SASH1: variants seen among roughly 807,000 people sequenced by gnomAD.
SASH1 encodes the protein SAM and SH3 domain-containing protein 1.
In SASH1, 44 loss-of-function variants were observed where a neutral mutation model predicts 125.2. The observed-to-expected ratio is 0.35, with a 90% CI of 0.28 to 0.45. SASH1 has a LOEUF of 0.45. SASH1 is among the 20% of genes least tolerant of loss of function. The pLI, the probability that SASH1 is intolerant of heterozygous loss-of-function variation, is 1.00. For synonymous variants in SASH1, 639 were observed against 649.1 expected, an observed-to-expected ratio of 0.98 and a Z score of 0.24; for missense variants, 1,426 against 1,614.5, an observed-to-expected ratio of 0.88 and a Z score of 2.00.
At chr6:148,458,679 T>C (rs760391045) in intron 4 of SASH1, among the ~76,000 whole-genome samples, 1 of 152,196 alleles carries the variant, frequency 6.6e-6, no homozygotes, top group East Asian at 1.9e-4. Context: ...AAAAATACTA[T>C]GTGGGCTGAG....
the SASH1 span, among the ~76,000 whole-genome samples, chr6:148,244,930 GTA>G: frequency 5.2e-3 from 541 of 104,910 alleles, 1 homozygote; most frequent in African/African-American, 0.012. Context: ...GTGTGTGTGT[GTA>G]TGTGTGTGTG....
chr6:148,326,473 C>T (rs746769869), intron 1 of SASH1, among the ~76,000 whole-genome samples: 31 of 145,172 alleles, frequency 2.1e-4, no homozygotes, highest in Non-Finnish European at 4.0e-4. Context: ...GGCGTGATCT[C>T]GGCTCACTGC....
rs199653918 is a variant in SASH1 at position 148,519,784 on chromosome 6, A to G, written c.1100A>G (p.Lys367Arg). 1.7e-5 allele frequency: 28 copies of G among 1,614,052 alleles called. No individual in the cohort carries two copies. In the East Asian group the frequency reaches 6.0e-4, roughly 35 times the overall value. ...GESRGLIKPPKKMGTFFSYPE... is the reference protein window; with the variant it reads ...GESRGLIKPPRKMGTFFSYPE... ...AGCCGGGGCCTGATTAAGCCCCCCAAGAAGATGGGGACATTCTTCTCCTAC... is the reference window on the plus strand; with the variant it reads ...AGCCGGGGCCTGATTAAGCCCCCCAGGAAGATGGGGACATTCTTCTCCTAC... The change falls in exon 10 of 20, where the codon AAG becomes AGG. Residue 367 changes from lysine to arginine, a missense_variant. By Grantham distance (26) the Lys-to-Arg change is conservative. Around this residue, in one of 3 missense-constraint regions of SASH1, gnomAD observed 567 missense variants for 575.6 expected, o/e 0.99. Transcript: ENST00000367467. This position sits in a 1 kb window ranked among gnomAD's most constrained non-coding sequence, Gnocchi z 4.8.
chr6:148,423,939 T>C (rs1282513973), intron 2 of SASH1, among the ~76,000 whole-genome samples: 1 of 152,096 alleles, frequency 6.6e-6, no homozygotes, highest in Non-Finnish European at 1.5e-5. Context: ...CTTAATTTCA[T>C]TTCCAATGAT....
intron 1 of SASH1, among the ~76,000 whole-genome samples, chr6:148,362,168 C>T (rs1782254403): frequency 6.6e-6 from 1 of 151,366 alleles, no homozygotes; most frequent in Non-Finnish European, 1.5e-5. Context: ...ACCTTGTGAT[C>T]CGCCCACCTT....
chr6:148,470,841 G>A (rs535510315), intron 5 of SASH1, among the ~76,000 whole-genome samples: 8 of 152,168 alleles, frequency 5.3e-5, no homozygotes, highest in South Asian at 4.2e-4. Flanking sequence ...AGCAAGACCC[G>A]TGCAGACCAC....
rs1406486411 is a variant in SASH1 at position 148,533,862 on chromosome 6, A to G, written c.1826A>G (p.Tyr609Cys). The G allele has an allele frequency of 6.2e-7, 1 of 1,614,122 alleles. No individual in the cohort carries two copies. Among genetic ancestry groups the G allele is most frequent in the South Asian group, 1.1e-5 (1 of 91,066 alleles). The stretch of plus-strand genomic sequence containing the variant: ...AAAGTCGGCACGTTCAAGTTCATCT[A>G]CGTGGACGTGCTCAGTGAAGACGAG... ...NNKVGTFKFI[Y>C]VDVLSEDEEK... Residue 609 changes from tyrosine to cysteine, a missense_variant, in exon 15 of 20, where the codon TAC becomes TGC. Coordinates refer to ENST00000367467, the MANE Select transcript of SASH1 (RefSeq NM_015278.5). The surrounding 1 kb of genome is among the most constrained non-coding windows in gnomAD (Gnocchi z 6.2).
At chr6:148,312,647 C>T (rs542527745) in intron 1 of SASH1, among the ~76,000 whole-genome samples, 56 of 152,302 alleles carry the variant, frequency 3.7e-4, no homozygotes, top group African/African-American at 1.3e-3. Context: ...AAAGTGAAAA[C>T]AGAATTAGTA....
intron 2 of SASH1, among the ~76,000 whole-genome samples, chr6:148,414,662 TTTTTTTA>T (rs1283082289): frequency 2.0e-5 from 3 of 152,034 alleles, no homozygotes; most frequent in African/African-American, 4.8e-5. Flanking sequence ...TTACATTCTT[TTTTTTTA>T]TTTTTTATTT....
chr6:148,524,114 TATA>T (rs1173252083), intron 10 of SASH1, among the ~76,000 whole-genome samples: 2,618 of 85,610 alleles, frequency 0.031, 37 homozygotes, highest in African/African-American at 0.046. Context: ...TATATATATA[TATA>T]TATATTTTTT....
chr6:148,440,996 A>G (rs1344140930), intron 4 of SASH1, among the ~76,000 whole-genome samples: 1 of 152,154 alleles, frequency 6.6e-6, no homozygotes, highest in African/African-American at 2.4e-5. Flanking sequence ...TATTTTCAGT[A>G]TTTCTTTTAG....
chr6:148,328,247 T>C (rs980207433), intron 1 of SASH1, among the ~76,000 whole-genome samples: 5 of 152,312 alleles, frequency 3.3e-5, no homozygotes, highest in Middle Eastern at 6.8e-3. Context: ...CTTTCTTATG[T>C]AGGTTAAAGA....
At position 148,421,149 on chromosome 6, in the gene SASH1, G is replaced by GGAAGGAAGAAAGAAAGA. The variant is rs1562396374; in HGVS notation, c.286-19035_286-19034insGAAGGAAGAAAGAAAGA. ...AGAAAGGAAGGAAGGAAGGAAGGAA[G>GGAAGGAAGAAAGAAAGA]AAAGAAAGAAAGAAAGAAAGAAAGA... On this transcript the variant is annotated intron_variant, in intron 2 of 19. Coordinates refer to ENST00000367467, the MANE Select transcript of SASH1 (RefSeq NM_015278.5). 1.3e-4 allele frequency among the ~76,000 whole-genome samples: 9 copies of GGAAGGAAGAAAGAAAGA among 67,378 alleles called. 1 individual carries two copies. The highest frequency in any genetic ancestry group is 3.1e-4 in the Non-Finnish European group (9 of 29,186). 44.2% of individuals were successfully genotyped at this position (67,378 alleles called of 152,430 possible). A position where few individuals can be genotyped will look rare whatever the true frequency, so the allele number is the denominator to read the frequency against.
At chr6:148,482,706 T>TTTTTTTTTTTA (rs1778681819) in intron 7 of SASH1, among the ~76,000 whole-genome samples, 1 of 144,314 alleles carries the variant, frequency 6.9e-6, no homozygotes, top group African/African-American at 2.6e-5. Flanking sequence ...TTTTTTTTTT[T>TTTTTTTTTTTA]GAGAGAGAGT....
chr6:148,477,955 C>T (rs1778442745), intron 7 of SASH1, among the ~76,000 whole-genome samples: 1 of 152,106 alleles, frequency 6.6e-6, no homozygotes, highest in African/African-American at 2.4e-5. Context: ...CCTCGGCCTC[C>T]CAAAGTGTTG....
intron 1 of SASH1, among the ~76,000 whole-genome samples, chr6:148,386,759 T>C (rs1783385379): frequency 6.6e-6 from 1 of 152,172 alleles, no homozygotes; most frequent in South Asian, 2.1e-4. Flanking sequence ...CTGTAACTCA[T>C]AAAAATGGGC....
At chr6:148,397,569 CCACGT>C in intron 2 of SASH1, among the ~76,000 whole-genome samples, 1 of 152,078 alleles carries the variant, frequency 6.6e-6, no homozygotes, top group Non-Finnish European at 1.5e-5. Context: ...ATAAATATAC[CCACGT>C]CACCCGCAGC....
At chr6:148,195,735 T>C in the SASH1 span, among the ~76,000 whole-genome samples, 88,092 of 152,006 alleles carry the variant, frequency 0.58, 26,599 homozygotes, top group African/African-American at 0.75. Context: ...TACGCGCCTT[T>C]TAGTCTGTGT....
the SASH1 span, among the ~76,000 whole-genome samples, chr6:148,261,100 C>A: frequency 1.3e-5 from 2 of 152,066 alleles, no homozygotes; most frequent in South Asian, 2.1e-4. Context: ...CCACTGCGCC[C>A]GGCATAAGGG....
Sources: allele counts gnomAD v4.1 joint callset (sites outside exome capture counted in the v4.1 genomes callset), GRCh38; gene constraint gnomAD v4.1.1; regional missense constraint gnomAD v4.1.1; non-coding constraint Gnocchi (gnomAD v3.1); transcripts MANE v1.5; gene names NCBI Gene and HGNC (gene_info 2026-07-23, HGNC 2026-07-21).